DOCK4: variants seen among roughly 807,000 people sequenced by gnomAD.
DOCK4 encodes the protein dedicator of cytokinesis 4, also known as dedicator of cytokinesis protein 4.
A neutral mutation model predicts 268.1 loss-of-function variants in DOCK4; 97 were observed. The ratio of observed to expected loss-of-function variants is 0.36; its 90% CI spans 0.31 to 0.43. The LOEUF is 0.43. Among genes scored for constraint, DOCK4 ranks in the 20% least tolerant of loss-of-function variants. The probability of loss-of-function intolerance (pLI) is 1.00; values close to 1 mark genes in which losing one functional copy is unlikely to be tolerated. For synonymous variants in DOCK4, 954 were observed against 887.2 expected, an observed-to-expected ratio of 1.08 and a Z score of -1.34; for missense variants, 2,145 against 2,455.7, an observed-to-expected ratio of 0.87 and a Z score of 2.67.
At chr7:111,759,887 T>A (rs932803780) in intron 40 of DOCK4, among the ~76,000 whole-genome samples, 1 of 152,026 alleles carries the variant, frequency 6.6e-6, no homozygotes, top group African/African-American at 2.4e-5. Context: ...AAGTTTATTC[T>A]AAAGGATGTC....
At chr7:112,010,305 G>A (rs1443048323) in intron 1 of DOCK4, among the ~76,000 whole-genome samples, 1 of 152,182 alleles carries the variant, frequency 6.6e-6, no homozygotes, top group Non-Finnish European at 1.5e-5. Flanking sequence ...TCTGGGACAG[G>A]GCTGGAGGAA....
intron 8 of DOCK4, among the ~76,000 whole-genome samples, chr7:111,946,451 CA>C (rs1284541859): frequency 1.3e-5 from 2 of 152,034 alleles, no homozygotes; most frequent in African/African-American, 4.8e-5. Flanking sequence ...CCAGCCTGGG[CA>C]ACATAGAAAC....
At chr7:111,745,112 T>A (rs1796176896) in intron 44 of DOCK4, among the ~76,000 whole-genome samples, 1 of 152,192 alleles carries the variant, frequency 6.6e-6, no homozygotes, top group South Asian at 2.1e-4. Context: ...AGGCTATCAA[T>A]AGGGACACAG....
intron 26 of DOCK4, among the ~76,000 whole-genome samples, chr7:111,826,524 A>G (rs1802402713): frequency 6.6e-6 from 1 of 152,194 alleles, no homozygotes; most frequent in Non-Finnish European, 1.5e-5. Context: ...AATGTGGTAC[A>G]TTTACACCAT....
At chr7:111,835,091 T>C (rs2134028699) in intron 25 of DOCK4, among the ~76,000 whole-genome samples, 1 of 152,288 alleles carries the variant, frequency 6.6e-6, no homozygotes, top group South Asian at 2.1e-4. Flanking sequence ...GTATAATACC[T>C]TTTTGAAGAA....
intron 1 of DOCK4, among the ~76,000 whole-genome samples, chr7:112,180,142 C>A (rs148818752): frequency 1.6e-4 from 25 of 152,196 alleles, no homozygotes; most frequent in African/African-American, 5.8e-4. Context: ...GTTCTTCATT[C>A]AGAAAACAGA....
At chr7:112,168,959 A>G in intron 1 of DOCK4, among the ~76,000 whole-genome samples, 1 of 152,202 alleles carries the variant, frequency 6.6e-6, no homozygotes, top group East Asian at 1.9e-4. Flanking sequence ...ATATATGTGT[A>G]TTATCACTAT....
In DOCK4 at chr7:111,727,585, T is replaced by C. The variant is rs1794723553; in HGVS notation, c.*689A>G. ...TAGCTGATTGGAACTCTGAAGCAAA[T>C]TGCACCTTGAAAAGAAATACAGTAG... is the stretch of plus-strand genomic sequence containing the variant. On this transcript the variant is annotated 3_prime_UTR_variant, in exon 53 of 53. Transcript: ENST00000428084. The C allele has an allele frequency of 2.0e-5, 3 of 152,672 alleles. No individual in the cohort carries two copies. The highest frequency in any genetic ancestry group is 4.1e-4 in the South Asian group (2 of 4,822). The allele number at this position is 152,672 out of a possible 1,614,324, so 9.5% of individuals were successfully genotyped here.
intron 30 of DOCK4, among the ~76,000 whole-genome samples, chr7:111,796,396 T>C (rs1397014698): frequency 6.6e-6 from 1 of 152,248 alleles, no homozygotes; most frequent in South Asian, 2.1e-4. Flanking sequence ...TTGCTAGTTC[T>C]CTGCAGTACA....
At chr7:112,095,232 A>G (rs1810014314) in intron 1 of DOCK4, among the ~76,000 whole-genome samples, 1 of 152,192 alleles carries the variant, frequency 6.6e-6, no homozygotes, top group Non-Finnish European at 1.5e-5. Context: ...AATGAAATTG[A>G]GTTGAGAGGG....
chr7:111,851,793 T>A (rs1804579686), intron 23 of DOCK4, among the ~76,000 whole-genome samples: 1 of 152,124 alleles, frequency 6.6e-6, no homozygotes, highest in African/African-American at 2.4e-5. Context: ...TAGCAGTGCT[T>A]GGAATGCAAT....
chr7:111,732,506 A>T, intron 51 of DOCK4: 1 of 587,316 alleles, frequency 1.7e-6, no homozygotes, highest in Non-Finnish European at 3.0e-6. Context: ...ATCAGTGAAA[A>T]GTTATCATGG....
chr7:112,018,052 G>A (rs1469764109), intron 1 of DOCK4, among the ~76,000 whole-genome samples: 1 of 149,978 alleles, frequency 6.7e-6, no homozygotes, highest in Non-Finnish European at 1.5e-5. Context: ...AGCCGGGCAT[G>A]GTGGCGGGCA....
At chr7:112,182,810 C>T (rs1819171339) in intron 1 of DOCK4, among the ~76,000 whole-genome samples, 2 of 152,234 alleles carry the variant, frequency 1.3e-5, no homozygotes, top group South Asian at 4.1e-4. Flanking sequence ...ACCTAAACCA[C>T]GAGACACAGA....
At chr7:111,958,595 G>A (rs1449087725) in intron 8 of DOCK4, among the ~76,000 whole-genome samples, 2 of 152,168 alleles carry the variant, frequency 1.3e-5, no homozygotes, top group African/African-American at 4.8e-5. Context: ...AGTAAAAAGA[G>A]ACAAGTAGCT....
intron 1 of DOCK4, among the ~76,000 whole-genome samples, chr7:112,101,902 G>C (rs1254579643): frequency 6.6e-6 from 1 of 151,456 alleles, no homozygotes; most frequent in African/African-American, 2.4e-5. Flanking sequence ...GAGTGCAGTG[G>C]CGCGATCTCG....
intron 40 of DOCK4, among the ~76,000 whole-genome samples, chr7:111,759,395 G>T (rs1473096189): frequency 6.6e-6 from 1 of 152,080 alleles, no homozygotes; most frequent in South Asian, 2.1e-4. Flanking sequence ...TTACATTAAA[G>T]GAGTATCATA....
chr7:112,155,018 A>G (rs1816481683), intron 1 of DOCK4, among the ~76,000 whole-genome samples: 1 of 152,204 alleles, frequency 6.6e-6, no homozygotes, highest in Admixed American at 6.5e-5. Context: ...TCATGATTTC[A>G]TTGAGTCTCT....
chr7:112,131,444 G>C (rs960348814), intron 1 of DOCK4, among the ~76,000 whole-genome samples: 1 of 152,136 alleles, frequency 6.6e-6, no homozygotes, highest in Non-Finnish European at 1.5e-5. Flanking sequence ...CAAGGAGAGA[G>C]GAAACCAACT....
Sources: allele counts gnomAD v4.1 joint callset (sites outside exome capture counted in the v4.1 genomes callset), GRCh38; gene constraint gnomAD v4.1.1; transcripts MANE v1.5; gene names NCBI Gene and HGNC (gene_info 2026-07-23, HGNC 2026-07-21).